The following CPLX1 variants were observed in gnomAD, a reference collection of about 807,000 sequenced individuals.
The protein encoded by CPLX1 is complexin-1.
CPLX1 carries 6 observed loss-of-function variants against 15.6 expected under a neutral mutation model. The observed-to-expected ratio is 0.39, with a 90% CI of 0.21 to 0.76. The LOEUF (loss-of-function observed/expected upper bound fraction) is 0.76, where lower values mean the gene tolerates loss of function less well. Ranked by LOEUF, CPLX1 falls within the 30% of genes least tolerant of loss-of-function variation. The pLI is 0.43. For synonymous variants in CPLX1, 91 were observed against 75.2 expected, an observed-to-expected ratio of 1.21 and a Z score of -1.08; for missense variants, 242 against 188.6, an observed-to-expected ratio of 1.28 and a Z score of -1.66.
At chr4:821,981 G>A (rs1482444154) in intron 2 of CPLX1, among the ~76,000 whole-genome samples, 3 of 152,200 alleles carry the variant, frequency 2.0e-5, no homozygotes, top group Admixed American at 6.5e-5. Flanking sequence ...CCTCTCTGCT[G>A]CACCCTCTGA....
intron 3 of CPLX1, chr4:788,516 A>G: frequency 1.0e-6 from 1 of 985,442 alleles, no homozygotes; most frequent in Non-Finnish European, 1.2e-6. Context: ...CCTCAGTGAA[A>G]CGAAGAGCAC....
At chr4:805,927 G>A (rs1746547245) in intron 2 of CPLX1, among the ~76,000 whole-genome samples, 2 of 152,190 alleles carry the variant, frequency 1.3e-5, no homozygotes, top group Non-Finnish European at 2.9e-5. Context: ...AGGAAGTAAA[G>A]TGGTGGGTGC....
chr4:809,120 C>T (rs1256258942), intron 2 of CPLX1, among the ~76,000 whole-genome samples: 1 of 152,246 alleles, frequency 6.6e-6, no homozygotes, highest in Non-Finnish European at 1.5e-5. Flanking sequence ...CTCAGTGGGG[C>T]TCATTTTAGC....
intron 2 of CPLX1, among the ~76,000 whole-genome samples, chr4:795,668 G>A (rs1348054942): frequency 6.6e-6 from 1 of 152,106 alleles, no homozygotes. Context: ...CACCGGGCAC[G>A]ACCCCGCGGC....
At chr4:815,902 T>C (rs1746744373) in intron 2 of CPLX1, among the ~76,000 whole-genome samples, 1 of 152,186 alleles carries the variant, frequency 6.6e-6, no homozygotes, top group African/African-American at 2.4e-5. Flanking sequence ...ATTCCATATC[T>C]CATCATCAAA....
chr4:821,666 T>A (rs1746864867), intron 2 of CPLX1, among the ~76,000 whole-genome samples: 1 of 152,150 alleles, frequency 6.6e-6, no homozygotes. Flanking sequence ...GGACCCTGGA[T>A]CCGGACCCAC....
intron 2 of CPLX1, among the ~76,000 whole-genome samples, chr4:795,789 C>T (rs1746317706): frequency 7.1e-6 from 1 of 141,102 alleles, no homozygotes; most frequent in South Asian, 2.3e-4. Context: ...TCGCCCCAAA[C>T]CGGGTGGAGA....
In CPLX1 at chr4:786,575, C is replaced by T. The variant is rs1473337450; in HGVS notation, c.331G>A (p.Glu111Lys). 1.2e-6 allele frequency: 2 copies of T among 1,610,550 alleles called. No homozygotes were observed. Among genetic ancestry groups the T allele is most frequent in the East Asian group, 2.2e-5 (1 of 44,738 alleles). Residue 111 changes from glutamate (E) to lysine (K), a missense_variant, in exon 4 of 4, where the codon GAG becomes AAG. By Grantham distance (56) the Glu-to-Lys change is moderately conservative (BLOSUM62 1). Coordinates refer to ENST00000304062, the MANE Select transcript of CPLX1 (RefSeq NM_006651.4). ...GTGTCCAGGATGCTCTCGTCCTCCTCCTCCACCTCGTCCCCGCAGCCCGGC... is the reference window on the plus strand; with the variant it reads ...GTGTCCAGGATGCTCTCGTCCTCCTTCTCCACCTCGTCCCCGCAGCCCGGC... ...IPPGCGDEVEEEDESILDTVI... is the reference protein window; with the variant it reads ...IPPGCGDEVEKEDESILDTVI...
chr4:791,091 G>A (rs62294130), intron 3 of CPLX1, among the ~76,000 whole-genome samples: 10,588 of 146,196 alleles, frequency 0.072, 463 homozygotes, highest in South Asian at 0.14. Context: ...ACAGTCTCCC[G>A]AGCACATCCC....
At chr4:824,633 C>G (rs766458137) in intron 1 of CPLX1, 32 bp from the exon 2 acceptor site, 1 of 1,180,660 alleles carries the variant, frequency 8.5e-7, no homozygotes, top group Non-Finnish European at 1.3e-6. Flanking sequence ...ACAGGTCACC[C>G]TAAGCAGGCC....
At chr4:823,776 C>T (rs1746918669) in intron 2 of CPLX1, among the ~76,000 whole-genome samples, 1 of 152,254 alleles carries the variant, frequency 6.6e-6, no homozygotes, top group Non-Finnish European at 1.5e-5. Flanking sequence ...TTGACATGGT[C>T]TCTGGCCACA....
intron 2 of CPLX1, among the ~76,000 whole-genome samples, chr4:813,145 G>A (rs1236873923): frequency 1.3e-5 from 2 of 151,796 alleles, no homozygotes; most frequent in East Asian, 3.9e-4. Context: ...GATGCCTGTA[G>A]TCCCAGCTAC....
At position 785,996 on chromosome 4, in the gene CPLX1, CG is replaced by C; in HGVS notation, c.*504del. ...GGACAGGGGCGCGAGGGGGCCAGGC[CG>C]GGGGGCGGAGAGCGGCCGCGTGCGG... is the stretch of plus-strand genomic sequence containing the variant. On this transcript the variant is annotated 3_prime_UTR_variant, in exon 4 of 4. Coordinates refer to ENST00000304062, the MANE Select transcript of CPLX1 (RefSeq NM_006651.4). 6.9e-6 allele frequency: 1 copy of C among 145,950 alleles called. No individual in the cohort carries two copies. Among genetic ancestry groups the C allele is most frequent in the Non-Finnish European group, 1.6e-5 (1 of 64,056 alleles). The allele number at this position is 145,950 out of a possible 1,614,324, so 9.0% of individuals were successfully genotyped here. A position where few individuals can be genotyped will look rare whatever the true frequency, so the allele number is the denominator to read the frequency against.
chr4:788,780 G>A (rs1313440084), intron 3 of CPLX1, among the ~76,000 whole-genome samples: 3 of 152,258 alleles, frequency 2.0e-5, no homozygotes, highest in Admixed American at 6.5e-5. Context: ...CCAGCCAGGG[G>A]TGTGGGGGTC....
intron 2 of CPLX1, among the ~76,000 whole-genome samples, chr4:795,932 G>A (rs1746327236): frequency 6.6e-6 from 1 of 152,144 alleles, no homozygotes; most frequent in Non-Finnish European, 1.5e-5. Flanking sequence ...ATCGGGGAGG[G>A]TGGGGTCAGG....
intron 1 of CPLX1, among the ~76,000 whole-genome samples, chr4:825,280 C>A (rs552434610): frequency 6.6e-6 from 1 of 152,304 alleles, no homozygotes; most frequent in African/African-American, 2.4e-5. Flanking sequence ...ACAGCAGCCG[C>A]AGTGAGCCCC....
At chr4:805,469 A>G (rs541993486) in intron 2 of CPLX1, among the ~76,000 whole-genome samples, 100 of 152,348 alleles carry the variant, frequency 6.6e-4, no homozygotes, top group Non-Finnish European at 1.3e-3. Flanking sequence ...GTTGGCAACA[A>G]TGTGAAGAAA....
chr4:796,284 G>A (rs923267250), intron 2 of CPLX1, among the ~76,000 whole-genome samples: 1 of 152,150 alleles, frequency 6.6e-6, no homozygotes, highest in Non-Finnish European at 1.5e-5. Context: ...TGCAGCCACC[G>A]AGTGTTCGTC....
chr4:798,546 C>A (rs1200434176), intron 2 of CPLX1, among the ~76,000 whole-genome samples: 1 of 152,128 alleles, frequency 6.6e-6, no homozygotes, highest in Non-Finnish European at 1.5e-5. Flanking sequence ...CATGTGCCAC[C>A]ATGCCCAGCT....
Sources: allele counts gnomAD v4.1 joint callset (sites outside exome capture counted in the v4.1 genomes callset), GRCh38; gene constraint gnomAD v4.1.1; transcripts MANE v1.5; gene names NCBI Gene and HGNC (gene_info 2026-07-23, HGNC 2026-07-21).